CLINT1: variants seen among roughly 807,000 people sequenced by gnomAD.
The protein encoded by CLINT1 is clathrin interactor 1.
In CLINT1, 15 loss-of-function variants were observed where a neutral mutation model predicts 70.4. That is an observed-to-expected ratio of 0.21 (90% CI 0.14 to 0.33). CLINT1 has a LOEUF of 0.33. Among genes scored for constraint, CLINT1 ranks in the 10% least tolerant of loss-of-function variants. The pLI is 1.00. For missense variants in CLINT1, 615 were observed against 778.1 expected (o/e 0.79, Z 2.49); for synonymous variants, 227 against 254.7 (o/e 0.89, Z 1.04).
intron 8 of CLINT1, among the ~76,000 whole-genome samples, chr5:157,798,912 A>G (rs1302708503): frequency 6.6e-6 from 1 of 152,110 alleles, no homozygotes; most frequent in Non-Finnish European, 1.5e-5. Flanking sequence ...AAAGTACTAT[A>G]AAAGAATACC....
intron 1 of CLINT1, among the ~76,000 whole-genome samples, chr5:157,836,063 C>A (rs962997959): frequency 2.6e-5 from 4 of 152,088 alleles, no homozygotes; most frequent in African/African-American, 7.2e-5. Flanking sequence ...CATACTGGAA[C>A]CCTCTCCTTT....
intron 8 of CLINT1, chr5:157,795,504 G>A (rs1371936920): frequency 6.6e-6 from 1 of 152,280 alleles, no homozygotes; most frequent in Non-Finnish European, 1.5e-5. Flanking sequence ...AAGTATGATT[G>A]TATCACAATC....
chr5:157,817,129 A>T (rs971694606), intron 2 of CLINT1, among the ~76,000 whole-genome samples: 3 of 152,046 alleles, frequency 2.0e-5, no homozygotes, highest in Non-Finnish European at 4.4e-5. Context: ...TCACAGAAAA[A>T]TTTTTTTGTA....
chr5:157,826,869 T>C (rs1307505122), intron 1 of CLINT1, among the ~76,000 whole-genome samples: 2 of 152,208 alleles, frequency 1.3e-5, no homozygotes, highest in African/African-American at 4.8e-5. Context: ...CCAGTACAGA[T>C]TGTCAGTATT....
intron 1 of CLINT1, among the ~76,000 whole-genome samples, chr5:157,833,654 G>A (rs991602146): frequency 1.3e-5 from 2 of 152,072 alleles, no homozygotes; most frequent in Non-Finnish European, 2.9e-5. Flanking sequence ...ACTAAAACCA[G>A]TGTATCAGAC....
chr5:157,796,375 CCTTT>C (rs1332140015), intron 8 of CLINT1, among the ~76,000 whole-genome samples: 2 of 152,162 alleles, frequency 1.3e-5, no homozygotes, highest in African/African-American at 4.8e-5. Context: ...TTGTAATATT[CCTTT>C]TTTTCTCAAC....
intron 11 of CLINT1, among the ~76,000 whole-genome samples, 160 bp downstream of exon 11, chr5:157,789,203 T>A (rs1012103769): frequency 6.6e-6 from 1 of 152,200 alleles, no homozygotes; most frequent in African/African-American, 2.4e-5. Flanking sequence ...CCAGGAGGAA[T>A]ACCCAGTAAA....
intron 5 of CLINT1, among the ~76,000 whole-genome samples, chr5:157,810,442 G>T (rs1204298668): frequency 1.3e-5 from 2 of 152,224 alleles, no homozygotes; most frequent in African/African-American, 4.8e-5. Flanking sequence ...GAATCAGGAA[G>T]TATGCTCAAA....
intron 1 of CLINT1, 30 bp from the exon 2 acceptor site, chr5:157,817,577 G>T: frequency 7.2e-7 from 1 of 1,379,892 alleles, no homozygotes; most frequent in Non-Finnish European, 1.0e-6. Context: ...ACGCACACAT[G>T]CACAAAGATT....
At chr5:157,823,763 T>C (rs997663086) in intron 1 of CLINT1, 4 of 833,704 alleles carry the variant, frequency 4.8e-6, no homozygotes, top group African/African-American at 1.9e-5. Flanking sequence ...CATTGTAGAA[T>C]AGGGGTACCC....
intron 8 of CLINT1, among the ~76,000 whole-genome samples, chr5:157,796,315 G>T (rs1006427339): frequency 7.2e-5 from 11 of 152,090 alleles, no homozygotes; most frequent in Non-Finnish European, 1.3e-4. Flanking sequence ...TACTACATGG[G>T]TAAGAATATT....
chr5:157,787,640 A>T lies in CLINT1; in HGVS notation c.*6T>A. On this transcript the variant is annotated 3_prime_UTR_variant, in exon 12 of 12. Transcript: ENST00000411809. ...TCTTCATTCAATCTGCTTCTTTTAC[A>T]ATCTCTTATTTGCTAAAATTGGCGA... 1.2e-6 allele frequency: 2 copies of T among 1,610,590 alleles called. No homozygotes were observed. Among genetic ancestry groups the T allele is most frequent in the Middle Eastern group, 1.7e-4 (1 of 6,050 alleles).
intron 6 of CLINT1, among the ~76,000 whole-genome samples, chr5:157,807,845 C>A (rs1038873363): frequency 3.9e-5 from 6 of 152,054 alleles, no homozygotes; most frequent in African/African-American, 1.2e-4. Context: ...ACACAGATAT[C>A]TAACCAGCCT....
At chr5:157,837,223 G>A (rs554326041) in intron 1 of CLINT1, among the ~76,000 whole-genome samples, 64 of 152,244 alleles carry the variant, frequency 4.2e-4, no homozygotes, top group African/African-American at 1.5e-3. Flanking sequence ...GCAACATGGA[G>A]AGACCCTGCC....
rs1753858202 is a variant in CLINT1 at position 157,859,023 on chromosome 5, C to A, written c.-53G>T. 14 of 1,604,092 alleles carry A rather than the reference C, an allele frequency of 8.7e-6. No individual in the cohort carries two copies. The South Asian group carries it at 1.6e-4, about 18-fold the overall frequency. Reference sequence around the variant, plus strand: ...CTCCCTCTCCTGCTCCCCACGGACCCCGGAACACTTCCGTACCGGGGCAGT... The same window carrying A: ...CTCCCTCTCCTGCTCCCCACGGACCACGGAACACTTCCGTACCGGGGCAGT... On this transcript the variant is annotated 5_prime_UTR_variant, in exon 1 of 12. Coordinates refer to ENST00000411809, the MANE Select transcript of CLINT1 (RefSeq NM_014666.4).
chr5:157,814,746 T>C (rs1762662319), intron 3 of CLINT1, among the ~76,000 whole-genome samples: 1 of 152,138 alleles, frequency 6.6e-6, no homozygotes, highest in Non-Finnish European at 1.5e-5. Context: ...TTTAAAAGGT[T>C]GTGGCCAGGC....
At chr5:157,855,638 GAA>G (rs1753734806) in intron 1 of CLINT1, among the ~76,000 whole-genome samples, 1 of 152,222 alleles carries the variant, frequency 6.6e-6, no homozygotes, top group African/African-American at 2.4e-5. Context: ...CCCACTTCCA[GAA>G]AAAGTCTTCA....
chr5:157,840,192 C>CAAAAAAAAAAAAAA (rs57245921), intron 1 of CLINT1, among the ~76,000 whole-genome samples: 3 of 55,332 alleles, frequency 5.4e-5, no homozygotes, highest in African/African-American at 1.8e-4. Context: ...GAGACTGCCT[C>CAAAAAAAAAAAAAA]AAAAAAAAAA....
chr5:157,788,968 G>GAAAAAAAA (rs58634730), intron 11 of CLINT1, among the ~76,000 whole-genome samples: 759 of 95,488 alleles, frequency 7.9e-3, no homozygotes, highest in Non-Finnish European at 0.011. Flanking sequence ...CTCCATCTCA[G>GAAAAAAAA]AAAAAAAAAA....
Sources: gnomAD v4.1 joint callset for allele counts (sites outside exome capture counted in the v4.1 genomes callset) on GRCh38, gnomAD v4.1.1 for gene constraint, MANE v1.5 for transcripts, NCBI Gene and HGNC (gene_info 2026-07-23, HGNC 2026-07-21) for gene names.